CSMD1: variants seen among roughly 807,000 people sequenced by gnomAD.
CSMD1 encodes the protein CUB and sushi domain-containing protein 1.
In CSMD1, 213 loss-of-function variants were observed where a neutral mutation model predicts 417.5. That is an observed-to-expected ratio of 0.51 (90% CI 0.46 to 0.57). The LOEUF is 0.57. Ranked by LOEUF, CSMD1 falls within the 20% of genes least tolerant of loss-of-function variation. CSMD1 has a pLI of 0.00. For missense variants in CSMD1, 6,923 were observed against 4,529.7 expected, an observed-to-expected ratio of 1.53 and a Z score of -15.17; for synonymous variants, 2,862 against 1,736.8, an observed-to-expected ratio of 1.65 and a Z score of -16.11.
At chr8:4,367,649 G>C (rs1473660889) in intron 3 of CSMD1, among the ~76,000 whole-genome samples, 1 of 152,028 alleles carries the variant, frequency 6.6e-6, no homozygotes, top group African/African-American at 2.4e-5. Flanking sequence ...AATTGCTTTG[G>C]GTGGTATGAT....
intron 5 of CSMD1, among the ~76,000 whole-genome samples, chr8:3,760,275 T>A (rs959954163): frequency 3.9e-5 from 6 of 152,150 alleles, no homozygotes; most frequent in African/African-American, 1.4e-4. Context: ...CCCACTTTTT[T>A]CCCCTAAGAA....
intron 5 of CSMD1, among the ~76,000 whole-genome samples, chr8:3,818,067 A>G (rs887908397): frequency 1.6e-4 from 25 of 152,154 alleles, no homozygotes; most frequent in African/African-American, 6.0e-4. Context: ...TGGAGCAGGC[A>G]TGGAGGTCCG....
intron 3 of CSMD1, among the ~76,000 whole-genome samples, chr8:4,252,623 A>G (rs763486272): frequency 2.0e-5 from 3 of 152,220 alleles, no homozygotes; most frequent in Admixed American, 6.5e-5. Flanking sequence ...GAACCCAAAT[A>G]TAGTCTCCAG....
intron 2 of CSMD1, among the ~76,000 whole-genome samples, chr8:4,474,856 C>T (rs1800715643): frequency 6.6e-6 from 1 of 152,112 alleles, no homozygotes; most frequent in Non-Finnish European, 1.5e-5. Context: ...TTTTCTCTTC[C>T]TTATGACTTT....
chr8:3,000,153 T>C, intron 52 of CSMD1, 22 bp from the exon 53 acceptor site: 1 of 1,507,264 alleles, frequency 6.6e-7, no homozygotes. Context: ...AAACCAATTT[T>C]AAAATTTAGA....
chr8:4,232,533 GAAT>G (rs1273696648), intron 3 of CSMD1, among the ~76,000 whole-genome samples: 4 of 152,108 alleles, frequency 2.6e-5, no homozygotes, highest in Non-Finnish European at 5.9e-5. Context: ...TACCTATGAA[GAAT>G]AATTGACTTG....
intron 26 of CSMD1, among the ~76,000 whole-genome samples, chr8:3,272,441 A>G (rs1187177711): frequency 6.6e-6 from 1 of 150,604 alleles, no homozygotes; most frequent in Admixed American, 6.6e-5. Flanking sequence ...TATGAACTTT[A>G]AAGTAGTTTT....
At chr8:3,715,791 C>T (rs1481876890) in intron 6 of CSMD1, among the ~76,000 whole-genome samples, 1 of 152,166 alleles carries the variant, frequency 6.6e-6, no homozygotes, top group African/African-American at 2.4e-5. Flanking sequence ...GATCCTCCCG[C>T]CCTGGCCTCC....
chr8:4,049,257 G>C (rs766088426), intron 3 of CSMD1, among the ~76,000 whole-genome samples: 10 of 151,782 alleles, frequency 6.6e-5, no homozygotes, highest in African/African-American at 2.4e-4. Flanking sequence ...CTGGCATTTT[G>C]TATGAAATAA....
Position 3,619,207 on chromosome 8 carries a change from A to G in CSMD1, c.1010-2410T>C, listed in dbSNP as rs185692271. Among the ~76,000 whole-genome samples the G allele has an allele frequency of 4.6e-5, 7 of 152,260 alleles. No homozygotes were observed. In the East Asian group the frequency reaches 1.2e-3, roughly 25 times the overall value. On this transcript the variant is annotated intron_variant, in intron 7 of 69. Transcript: ENST00000635120. ...TGGGGAAAAAAATAAAAACAAAAAT[A>G]CAGCAAAATGTACACACAAACCCAG...
At chr8:3,053,460 T>C (rs1812006996) in intron 49 of CSMD1, among the ~76,000 whole-genome samples, 1 of 152,088 alleles carries the variant, frequency 6.6e-6, no homozygotes, top group Non-Finnish European at 1.5e-5. Flanking sequence ...CTTCCCCAAT[T>C]CATTTTCCCT....
intron 23 of CSMD1, among the ~76,000 whole-genome samples, chr8:3,326,126 G>A (rs376174904): frequency 4.6e-5 from 7 of 152,166 alleles, no homozygotes; most frequent in African/African-American, 1.7e-4. Context: ...CAGAATCCAA[G>A]CACAGAATGG....
intron 6 of CSMD1, among the ~76,000 whole-genome samples, chr8:3,709,310 G>T (rs930459288): frequency 6.6e-6 from 1 of 152,142 alleles, no homozygotes; most frequent in Admixed American, 6.6e-5. Flanking sequence ...TGGACCTACA[G>T]CAGCTGCGAG....
chr8:3,203,138 A>G (rs748043828), intron 31 of CSMD1, among the ~76,000 whole-genome samples: 6 of 152,210 alleles, frequency 3.9e-5, no homozygotes, highest in Admixed American at 6.5e-5. Flanking sequence ...GAAACTAAGA[A>G]AAAAGGAGGG....
chr8:4,761,912 AATCTATCTATCTATCT>A (rs60693169), intron 1 of CSMD1, among the ~76,000 whole-genome samples: 14 of 101,264 alleles, frequency 1.4e-4, no homozygotes, highest in South Asian at 3.5e-4. Context: ...TCTATCTATC[AATCTATCTATCTATCT>A]ATCTATCTAT....
At chr8:4,497,142 G>C (rs1057293767) in intron 2 of CSMD1, among the ~76,000 whole-genome samples, 1 of 152,162 alleles carries the variant, frequency 6.6e-6, no homozygotes, top group Non-Finnish European at 1.5e-5. Context: ...CCTTGACTCA[G>C]TTTTTTGGTA....
chr8:4,543,136 A>C (rs1174286220), intron 2 of CSMD1, among the ~76,000 whole-genome samples: 1 of 152,206 alleles, frequency 6.6e-6, no homozygotes, highest in South Asian at 2.1e-4. Context: ...CAATTGATGA[A>C]TACTGATACA....
chr8:4,387,675 G>C (rs1263073823), intron 3 of CSMD1, among the ~76,000 whole-genome samples: 1 of 148,556 alleles, frequency 6.7e-6, no homozygotes, highest in Admixed American at 6.8e-5. Flanking sequence ...CATCAATTAA[G>C]GGCTTTTACA....
intron 54 of CSMD1, among the ~76,000 whole-genome samples, chr8:2,997,178 T>C (rs1806979703): frequency 6.6e-6 from 1 of 152,222 alleles, no homozygotes; most frequent in South Asian, 2.1e-4. Flanking sequence ...GTGACTAGTA[T>C]TTTAGGGGGA....
Sources: allele counts gnomAD v4.1 joint callset (sites outside exome capture counted in the v4.1 genomes callset), GRCh38; gene constraint gnomAD v4.1.1; transcripts MANE v1.5; gene names NCBI Gene and HGNC (gene_info 2026-07-23, HGNC 2026-07-21).